Variants in EPHB1 observed in about 807,000 individuals in gnomAD.
EPHB1 encodes the protein EPH receptor B1.
A neutral mutation model predicts 94.4 loss-of-function variants in EPHB1; 30 were observed. The observed-to-expected ratio is 0.32, with a 90% CI of 0.24 to 0.43. The LOEUF is 0.43. Ranked by LOEUF, EPHB1 falls within the 20% of genes least tolerant of loss-of-function variation. The pLI is 1.00. For missense variants in EPHB1, 1,055 were observed against 1,308.3 expected, an observed-to-expected ratio of 0.81 and a Z score of 2.99; for synonymous variants, 522 against 489.1, an observed-to-expected ratio of 1.07 and a Z score of -0.89.
At position 135,256,427 on chromosome 3, in the gene EPHB1, C is replaced by G. The variant is rs572816295; in HGVS notation, c.2847-2585C>G. ...AGGGCAGGTCTGGTGGTGACAAAAT[C>G]TCTCAGCATTTGCTTGTCTGTAAAG... On this transcript the variant is annotated intron_variant, in intron 15 of 15. Transcript: ENST00000398015. Among the ~76,000 whole-genome samples, 118 of 152,302 alleles carry G rather than the reference C, an allele frequency of 7.7e-4. 1 individual carries two copies. The highest frequency in any genetic ancestry group is 2.6e-3 in the African/African-American group (109 of 41,556).
At chr3:134,801,025 A>G (rs754650930) in intron 1 of EPHB1, among the ~76,000 whole-genome samples, 3 of 152,204 alleles carry the variant, frequency 2.0e-5, no homozygotes, top group Non-Finnish European at 4.4e-5. Flanking sequence ...AGGAAGACTC[A>G]TATCAGCTGG....
chr3:135,024,993 A>G (rs1158025498), intron 3 of EPHB1, among the ~76,000 whole-genome samples: 2 of 151,750 alleles, frequency 1.3e-5, no homozygotes, highest in African/African-American at 2.4e-5. Flanking sequence ...ATATCTACAT[A>G]TGTATAATAC....
chr3:135,201,823 GC>G, intron 12 of EPHB1, 134 bp downstream of exon 12: 1 of 856,714 alleles, frequency 1.2e-6, no homozygotes, highest in Non-Finnish European at 1.8e-6. Context: ...AGACCAAGAT[GC>G]CAGGAGGACC....
chr3:134,879,132 C>T (rs2037676940), intron 1 of EPHB1, among the ~76,000 whole-genome samples: 1 of 152,176 alleles, frequency 6.6e-6, no homozygotes. Context: ...AAACCCTCCT[C>T]CCCTTTTGCA....
chr3:135,172,034 T>C (rs1941817937), intron 9 of EPHB1, among the ~76,000 whole-genome samples: 1 of 152,200 alleles, frequency 6.6e-6, no homozygotes, highest in Admixed American at 6.5e-5. Flanking sequence ...AAAGGTGATA[T>C]ATAAACAGTG....
rs557463527 is a variant in EPHB1, at chr3:134,872,348, T to C, written c.59-53468T>C. Among the ~76,000 whole-genome samples the C allele has an allele frequency of 4.5e-4, 68 of 152,360 alleles. 1 individual carries two copies. The highest frequency in any genetic ancestry group is 1.4e-3 in the South Asian group (7 of 4,832). ...TAATTCCCATTCGAGGGAGAGGCCCTTTGTGAGCAGTCTTAATTCTCTTTC... is the reference window on the plus strand; with the variant it reads ...TAATTCCCATTCGAGGGAGAGGCCCCTTGTGAGCAGTCTTAATTCTCTTTC... On this transcript the variant is annotated intron_variant, in intron 1 of 15. Coordinates refer to ENST00000398015, the MANE Select transcript of EPHB1 (RefSeq NM_004441.5).
chr3:135,190,689 A>G (rs1160686971), intron 10 of EPHB1, among the ~76,000 whole-genome samples: 30 of 152,268 alleles, frequency 2.0e-4, no homozygotes, highest in Admixed American at 2.0e-3. Flanking sequence ...TGCAGTAAAT[A>G]TATTTTTAAC....
At chr3:135,127,848 G>A (rs150865843) in intron 4 of EPHB1, among the ~76,000 whole-genome samples, 3 of 152,216 alleles carry the variant, frequency 2.0e-5, no homozygotes, top group East Asian at 1.9e-4. Flanking sequence ...AGTGACAACC[G>A]TGCTCCATGC....
intron 1 of EPHB1, among the ~76,000 whole-genome samples, chr3:134,830,391 C>CA: frequency 6.6e-6 from 1 of 152,134 alleles, no homozygotes. Context: ...GCCTTTATTG[C>CA]AAAATGATAT....
chr3:134,988,628 C>G (rs139437339), intron 3 of EPHB1, among the ~76,000 whole-genome samples: 1,885 of 151,658 alleles, frequency 0.012, 19 homozygotes, highest in Non-Finnish European at 0.019. Flanking sequence ...AGTTGGCTGC[C>G]CATGAGAGAT....
At chr3:134,820,904 A>T (rs2036367403) in intron 1 of EPHB1, among the ~76,000 whole-genome samples, 1 of 152,184 alleles carries the variant, frequency 6.6e-6, no homozygotes, top group South Asian at 2.1e-4. Context: ...TTTATTTAAG[A>T]TTTATTATAA....
chr3:134,801,652 G>C (rs2035937419), intron 1 of EPHB1, among the ~76,000 whole-genome samples: 1 of 152,208 alleles, frequency 6.6e-6, no homozygotes, highest in Admixed American at 6.5e-5. Flanking sequence ...TAATAATAAA[G>C]TAACACCTTG....
chr3:134,833,591 G>A (rs1051568795), intron 1 of EPHB1, among the ~76,000 whole-genome samples: 2 of 152,230 alleles, frequency 1.3e-5, no homozygotes, highest in African/African-American at 4.8e-5. Context: ...TAAGAGCAGA[G>A]AGCAAATGAG....
chr3:135,109,877 C>T (rs1939372846), intron 4 of EPHB1, among the ~76,000 whole-genome samples: 1 of 152,220 alleles, frequency 6.6e-6, no homozygotes, highest in Non-Finnish European at 1.5e-5. Context: ...CTAGCAGCTC[C>T]TCACACTGAG....
chr3:134,970,994 G>T (rs1933951072), intron 3 of EPHB1, among the ~76,000 whole-genome samples: 1 of 152,154 alleles, frequency 6.6e-6, no homozygotes, highest in Non-Finnish European at 1.5e-5. Context: ...CTAATGCCCT[G>T]GGAAAATAAT....
intron 3 of EPHB1, among the ~76,000 whole-genome samples, chr3:135,088,369 G>A (rs1270182851): frequency 1.3e-5 from 2 of 152,212 alleles, no homozygotes; most frequent in East Asian, 3.8e-4. Flanking sequence ...CAGTGAAATG[G>A]AAATGCTACT....
chr3:135,015,107 C>T (rs926622316), intron 3 of EPHB1, among the ~76,000 whole-genome samples: 1 of 152,174 alleles, frequency 6.6e-6, no homozygotes, highest in Non-Finnish European at 1.5e-5. Flanking sequence ...CCTGACTCCC[C>T]CTGTGCGTGG....
At chr3:134,851,351 G>C (rs2036979736) in intron 1 of EPHB1, among the ~76,000 whole-genome samples, 1 of 152,066 alleles carries the variant, frequency 6.6e-6, no homozygotes, top group South Asian at 2.1e-4. Context: ...CTGATCCCCA[G>C]TGCCCTTTGA....
chr3:134,937,810 A>C (rs1234480847), intron 2 of EPHB1, among the ~76,000 whole-genome samples: 4 of 152,136 alleles, frequency 2.6e-5, no homozygotes, highest in Admixed American at 2.6e-4. Context: ...AGCCACATTC[A>C]ATCGACAGCT....
Sources: allele counts gnomAD v4.1 joint callset (sites outside exome capture counted in the v4.1 genomes callset), GRCh38; gene constraint gnomAD v4.1.1; transcripts MANE v1.5; gene names NCBI Gene and HGNC (gene_info 2026-07-23, HGNC 2026-07-21).